The following SYNPR variants were observed in gnomAD, a reference collection of about 807,000 sequenced individuals.
SYNPR encodes synaptoporin.
SYNPR carries 23 observed loss-of-function variants against 32.9 expected under a neutral mutation model. The ratio of observed to expected loss-of-function variants is 0.70; its 90% CI spans 0.50 to 0.99. The LOEUF is 0.99. Among genes scored for constraint, SYNPR ranks in the 50% least tolerant of loss-of-function variants. The pLI, the probability that SYNPR is intolerant of heterozygous loss-of-function variation, is 0.00. For missense variants in SYNPR, 318 were observed against 349.3 expected (o/e 0.91, Z 0.71); for synonymous variants, 146 against 135.9 (o/e 1.07, Z -0.52).
chr3:63,542,246 C>A lies in SYNPR; in HGVS notation c.210-14297C>A, dbSNP rs78059525. ...AGTATACATGCCTTAGATCCTCAAG[C>A]GCAGTGGCTAAAACATGATAATTGA... On this transcript the variant is annotated intron_variant, in intron 3 of 5. Transcript: ENST00000478300. Among the ~76,000 whole-genome samples, 179 of 152,196 alleles carry A rather than the reference C, an allele frequency of 1.2e-3. 2 individuals are homozygous for A. The South Asian group carries it at 0.023, about 20-fold the overall frequency.
chr3:63,428,664 A>G (rs1699933026), intron 2 of SYNPR, among the ~76,000 whole-genome samples: 1 of 152,242 alleles, frequency 6.6e-6, no homozygotes, highest in South Asian at 2.1e-4. Flanking sequence ...AGGCTAGGAC[A>G]GACAGCCTTG....
rs567376808 is a variant in SYNPR at position 63,259,973 on chromosome 3, T to G, written n.155-7344T>G. Among the ~76,000 whole-genome samples, 570 of 152,230 alleles carry G rather than the reference T, an allele frequency of 3.7e-3. 7 individuals are homozygous for G. Among genetic ancestry groups the G allele is most frequent in the African/African-American group, 0.012 (504 of 41,540 alleles). On this transcript the variant is annotated intron_variant and non_coding_transcript_variant, in intron 2 of 4. Coordinates refer to the SYNPR transcript ENST00000478456. The stretch of plus-strand genomic sequence containing the variant: ...CATGAGTGAACTCTCATTCACAATT[T>G]CTTCAAAGAGAATAAAATACCTAGG...
At chr3:63,493,993 A>G (rs999637479) in intron 3 of SYNPR, among the ~76,000 whole-genome samples, 3 of 152,184 alleles carry the variant, frequency 2.0e-5, no homozygotes, top group East Asian at 1.9e-4. Flanking sequence ...TTGATTTCCA[A>G]TAGACTGATA....
chr3:63,476,724 G>A (rs1405569862), intron 2 of SYNPR, among the ~76,000 whole-genome samples: 1 of 152,096 alleles, frequency 6.6e-6, no homozygotes, highest in Non-Finnish European at 1.5e-5. Context: ...TCATCTTCCA[G>A]GTGTTAGCTT....
At chr3:63,206,714 A>G in the SYNPR span, among the ~76,000 whole-genome samples, 5 of 152,224 alleles carry the variant, frequency 3.3e-5, no homozygotes, top group Non-Finnish European at 5.9e-5. Flanking sequence ...GAAAAGTATA[A>G]TGGACATGTC....
At chr3:63,300,209 A>G (rs1203594892) in intron 2 of SYNPR, among the ~76,000 whole-genome samples, 1 of 152,116 alleles carries the variant, frequency 6.6e-6, no homozygotes, top group Non-Finnish European at 1.5e-5. Flanking sequence ...ACCTGCCTCC[A>G]GATCTACCTT....
chr3:63,450,005 T>A (rs1389981085), intron 2 of SYNPR, among the ~76,000 whole-genome samples: 1 of 152,144 alleles, frequency 6.6e-6, no homozygotes, highest in Non-Finnish European at 1.5e-5. Context: ...TTATACTATT[T>A]CATGGGGAAA....
intron 2 of SYNPR, among the ~76,000 whole-genome samples, chr3:63,308,449 T>C (rs772570424): frequency 1.2e-4 from 19 of 152,016 alleles, no homozygotes; most frequent in Non-Finnish European, 2.4e-4. Context: ...TCATCTGAAA[T>C]AATTTGCCTT....
chr3:63,376,508 T>G (rs1232053945), intron 2 of SYNPR, among the ~76,000 whole-genome samples: 4 of 152,166 alleles, frequency 2.6e-5, no homozygotes, highest in African/African-American at 9.7e-5. Context: ...TTCACCACTC[T>G]GGGCTTCTTT....
At chr3:63,459,677 T>C (rs1325599204) in intron 2 of SYNPR, among the ~76,000 whole-genome samples, 2 of 152,108 alleles carry the variant, frequency 1.3e-5, no homozygotes, top group Admixed American at 6.6e-5. Context: ...GTGAAGATGA[T>C]TTTTCCTATC....
chr3:63,426,931 A>T (rs1439957075), intron 2 of SYNPR: 6 of 152,198 alleles, frequency 3.9e-5, no homozygotes, highest in African/African-American at 1.4e-4. Context: ...AAATTAATTT[A>T]AAATAATTTT....
the SYNPR span, among the ~76,000 whole-genome samples, chr3:63,222,665 T>C: frequency 1.3e-5 from 2 of 152,088 alleles, no homozygotes; most frequent in Non-Finnish European, 2.9e-5. Context: ...TACAGGTGTG[T>C]GCCACCATGC....
chr3:63,446,983 T>C (rs1401732926), intron 2 of SYNPR, among the ~76,000 whole-genome samples: 2 of 152,166 alleles, frequency 1.3e-5, no homozygotes, highest in Non-Finnish European at 2.9e-5. Context: ...GAGGCAAGCT[T>C]GGTTAACTCC....
At chr3:63,517,409 T>A (rs184970506) in intron 3 of SYNPR, among the ~76,000 whole-genome samples, 1 of 152,148 alleles carries the variant, frequency 6.6e-6, no homozygotes, top group Admixed American at 6.6e-5. Flanking sequence ...CTTTAAGAAG[T>A]AGAGAACAGT....
chr3:63,270,109 T>C (rs4428173), intron 3 of SYNPR, among the ~76,000 whole-genome samples: 165 of 152,284 alleles, frequency 1.1e-3, no homozygotes, highest in African/African-American at 3.8e-3. Flanking sequence ...CAGATGCCAT[T>C]TGAACTGAGC....
intron 2 of SYNPR, among the ~76,000 whole-genome samples, chr3:63,289,904 G>A (rs1358247059): frequency 6.6e-6 from 1 of 152,112 alleles, no homozygotes; most frequent in Non-Finnish European, 1.5e-5. Context: ...GCTGAGGCAG[G>A]CGGATCACAA....
intron 1 of SYNPR, among the ~76,000 whole-genome samples, chr3:63,231,735 A>G (rs1006360068): frequency 2.0e-5 from 3 of 152,200 alleles, no homozygotes; most frequent in African/African-American, 4.8e-5. Flanking sequence ...GAAGCTGCCA[A>G]AAAAGCACAT....
chr3:63,466,751 A>G (rs1436815472), intron 2 of SYNPR, among the ~76,000 whole-genome samples: 1 of 133,952 alleles, frequency 7.5e-6, no homozygotes, highest in Non-Finnish European at 1.5e-5. Flanking sequence ...AGAGGGACAG[A>G]GAAAGTGTCA....
At chr3:63,292,614 T>C (rs1250641660) in intron 2 of SYNPR, among the ~76,000 whole-genome samples, 3 of 152,216 alleles carry the variant, frequency 2.0e-5, no homozygotes, top group Non-Finnish European at 4.4e-5. Context: ...GGCATAATTA[T>C]TGTGTTCATT....
Sources: gnomAD v4.1 joint callset for allele counts (sites outside exome capture counted in the v4.1 genomes callset) on GRCh38, gnomAD v4.1.1 for gene constraint, MANE v1.5 for transcripts, NCBI Gene and HGNC (gene_info 2026-07-23, HGNC 2026-07-21) for gene names.